Variants in TLR5 observed in about 807,000 individuals in gnomAD.
TLR5 encodes the protein toll-like receptor 5.
For synonymous variants in TLR5, 373 were observed against 384.4 expected, an observed-to-expected ratio of 0.97 and a Z score of 0.35; for missense variants, 944 against 999.8, an observed-to-expected ratio of 0.94 and a Z score of 0.75.
intron 1 of TLR5, among the ~76,000 whole-genome samples, chr1:223,142,207 C>A (rs527829372): frequency 3.4e-4 from 52 of 152,252 alleles, no homozygotes; most frequent in African/African-American, 1.2e-3. Flanking sequence ...GGTAGCTACC[C>A]CTAGCATTAG....
At chr1:223,141,917 C>A (rs528067596) in intron 1 of TLR5, among the ~76,000 whole-genome samples, 154 bp from the exon 2 acceptor site, 1 of 150,710 alleles carries the variant, frequency 6.6e-6, no homozygotes, top group Non-Finnish European at 1.5e-5. Flanking sequence ...ACGGTCTCTC[C>A]TCTGGGACCT....
intron 1 of TLR5, 75 bp from the exon 2 acceptor site, chr1:223,141,838 GAGAGAGAGAGAGAGAGAGAA>G (rs1657883396): frequency 1.4e-5 from 2 of 145,246 alleles, no homozygotes; most frequent in Non-Finnish European, 3.0e-5. Context: ...GAGAGAGAGA[GAGAGAGAGAGAGAGAGAGAA>G]AGAGAGAGAG....
intron 2 of TLR5, among the ~76,000 whole-genome samples, chr1:223,140,228 C>A (rs1302878406): frequency 6.6e-6 from 1 of 152,068 alleles, no homozygotes; most frequent in Non-Finnish European, 1.5e-5. Context: ...GGAGAGTAGG[C>A]ATAAAGTAAA....
chr1:223,137,992 TG>T (rs1657682916), intron 2 of TLR5, among the ~76,000 whole-genome samples: 1 of 123,024 alleles, frequency 8.1e-6, no homozygotes, highest in Non-Finnish European at 1.6e-5. Context: ...CAGGTCTCAC[TG>T]TATCACCCAG....
chr1:223,123,758 C>T (rs1571747391), intron 5 of TLR5: 1 of 152,338 alleles, frequency 6.6e-6, no homozygotes, highest in East Asian at 1.9e-4. Flanking sequence ...GAAATCCAAT[C>T]TAAAGAGGAG....
intron 5 of TLR5, among the ~76,000 whole-genome samples, chr1:223,119,993 A>AAAAT (rs1553268269): frequency 1.4e-3 from 30 of 21,408 alleles, no homozygotes; most frequent in African/African-American, 8.0e-3. Flanking sequence ...AAAATAAAAT[A>AAAAT]AAATAAAATA....
rs908120497 is a variant in TLR5 at position 223,109,950 on chromosome 1, G to A, written c.*505C>T. 3 of 175,446 alleles carry A rather than the reference G, an allele frequency of 1.7e-5. No individual in the cohort carries two copies. The highest frequency in any genetic ancestry group is 7.2e-5 in the African/African-American group (3 of 41,574). 10.9% of individuals were successfully genotyped at this position (175,446 alleles called of 1,614,324 possible). On this transcript the variant is annotated 3_prime_UTR_variant, in exon 6 of 6. Transcript: ENST00000642603. ...TTCTTTGGGGCCACCTCTTATCTAT[G>A]AGACAAAGTGTGACTTGCACTCAAC...
chr1:223,111,685 A>G lies in TLR5; in HGVS notation c.1347T>C (p.His449=). The part of the protein sequence containing the change: ...DILYFLLRVP[H]LQILILNQNR... ...TTTGATTTAAAATGAGAATCTGGAGATGAGGTACCCGTAGGAGAAAGTAGA... is the reference window on the plus strand; with the variant it reads ...TTTGATTTAAAATGAGAATCTGGAGGTGAGGTACCCGTAGGAGAAAGTAGA... The change falls in exon 6 of 6, where the codon CAT becomes CAC. Residue 449 remains histidine, a synonymous_variant. Transcript: ENST00000642603. 1 of 1,614,178 alleles carries G rather than the reference A, an allele frequency of 6.2e-7. No homozygotes were observed. The highest frequency in any genetic ancestry group is 1.6e-4 in the Middle Eastern group (1 of 6,062).
rs1657412011 is a variant in TLR5, at chr1:223,131,986, G to A, written c.-5+489C>T. Among the ~76,000 whole-genome samples, 1 of 152,054 alleles carries A rather than the reference G, an allele frequency of 6.6e-6. No individual in the cohort carries two copies. Among genetic ancestry groups the A allele is most frequent in the African/African-American group, 2.4e-5 (1 of 41,366 alleles). On this transcript the variant is annotated intron_variant, in intron 5 of 5. Transcript: ENST00000642603. The surrounding 1 kb of genome is among the most constrained non-coding windows in gnomAD (Gnocchi z 4.2). ...ACTAGATTGTAAGTCTTGAGGGGCA[G>A]GCACTCAGTTTCATTCATGCAGGAT... is the stretch of plus-strand genomic sequence containing the variant.
intron 5 of TLR5, among the ~76,000 whole-genome samples, chr1:223,121,990 T>C (rs961167716): frequency 6.6e-6 from 1 of 152,174 alleles, no homozygotes; most frequent in Non-Finnish European, 1.5e-5. Flanking sequence ...TTCAAAGTGA[T>C]CTCAATAGAT....
intron 5 of TLR5, among the ~76,000 whole-genome samples, chr1:223,116,931 G>C (rs1320685279): frequency 2.0e-5 from 3 of 152,218 alleles, no homozygotes; most frequent in African/African-American, 7.2e-5. Flanking sequence ...GCTAGGGGCA[G>C]AGCTGCCCGC....
intron 5 of TLR5, among the ~76,000 whole-genome samples, chr1:223,120,322 A>G (rs1656898679): frequency 6.6e-6 from 1 of 152,142 alleles, no homozygotes; most frequent in Non-Finnish European, 1.5e-5. Flanking sequence ...CCTTGATTCC[A>G]GGCCTTTAGA....
intron 2 of TLR5, among the ~76,000 whole-genome samples, chr1:223,137,580 A>C (rs1462282314): frequency 6.6e-6 from 1 of 152,110 alleles, no homozygotes; most frequent in African/African-American, 2.4e-5. Context: ...GTGTTGCAAC[A>C]CCCTGTCACT....
rs931389679 is a variant in TLR5, at chr1:223,131,132, G to C, written c.-5+1343C>G. ...ACACACCCCTCACTTACTATCTGAG[G>C]GGGCTTCCTAGGGCATGACTCTGAT... On this transcript the variant is annotated intron_variant, in intron 5 of 5. Coordinates refer to ENST00000642603, the MANE Select transcript of TLR5 (RefSeq NM_003268.6). The surrounding 1 kb of genome is among the most constrained non-coding windows in gnomAD (Gnocchi z 4.2). Among the ~76,000 whole-genome samples, 1 of 152,096 alleles carries C rather than the reference G, an allele frequency of 6.6e-6. No individual in the cohort carries two copies. The highest frequency in any genetic ancestry group is 1.5e-5 in the Non-Finnish European group (1 of 68,010).
At chr1:223,123,383 T>C (rs1180310776) in intron 5 of TLR5, 1 of 152,224 alleles carries the variant, frequency 6.6e-6, no homozygotes, top group East Asian at 1.9e-4. Context: ...TGTTCCAGGA[T>C]ACTGAATTTT....
In TLR5 at chr1:223,110,323, G is replaced by C; in HGVS notation, c.*132C>G. 1 of 887,502 alleles carries C rather than the reference G, an allele frequency of 1.1e-6. No individual in the cohort carries two copies. The highest frequency in any genetic ancestry group is 1.8e-6 in the Non-Finnish European group (1 of 569,494). The allele number at this position is 887,502 out of a possible 1,614,324, so 55.0% of individuals were successfully genotyped here. A position where few individuals can be genotyped will look rare whatever the true frequency, so the allele number is the denominator to read the frequency against. On this transcript the variant is annotated 3_prime_UTR_variant, in exon 6 of 6. Transcript: ENST00000642603. The stretch of plus-strand genomic sequence containing the variant: ...CATGGTGTTGATACGAAAATTGAGA[G>C]ATTTATGTTGTTTTCATAGTAGCAA...
Position 223,111,339 on chromosome 1 carries a change from G to T in TLR5, c.1693C>A (p.Pro565Thr), listed in dbSNP as rs1318171385. 4 of 1,614,134 alleles carry T rather than the reference G, an allele frequency of 2.5e-6. No individual in the cohort carries two copies. The African/African-American group carries it at 5.3e-5, about 22-fold the overall frequency. The part of the protein sequence containing the change: ...ISRNQLLAPN[P>T]DVFVSLSVLD... ...ACACTAAGTGATACAAATACATCAG[G>T]ATTAGGAGCTAGGAGCTGGTTCCTG... The change falls in exon 6 of 6, where the codon CCT becomes ACT. Residue 565 changes from proline to threonine, a missense_variant. Physicochemically the swap from Pro to Thr is conservative, Grantham distance 38 (BLOSUM62 -1). Transcript: ENST00000642603.
Position 223,110,338 on chromosome 1 carries a change from C to T in TLR5, c.*117G>A. ...AAAATTGAGAGATTTATGTTGTTTT[C>T]ATAGTAGCAAAAAGAAAAAAAAAAC... On this transcript the variant is annotated 3_prime_UTR_variant, in exon 6 of 6. Transcript: ENST00000642603. 9.9e-7 allele frequency: 1 copy of T among 1,010,158 alleles called. No homozygotes were observed. The highest frequency in any genetic ancestry group is 1.5e-6 in the Non-Finnish European group (1 of 671,224). The allele number at this position is 1,010,158 out of a possible 1,614,324, so 62.6% of individuals were successfully genotyped here. A position where few individuals can be genotyped will look rare whatever the true frequency, so the allele number is the denominator to read the frequency against.
chr1:223,120,947 G>A lies in TLR5; in HGVS notation c.-4-7912C>T, dbSNP rs557995520. On this transcript the variant is annotated intron_variant, in intron 5 of 5. Transcript: ENST00000642603. Reference sequence around the variant, plus strand: ...AAAATGCAAAAATTGGCTGGGCATGGTGGTGCATACCTGTAGTCCCAGCTA... The same window carrying A: ...AAAATGCAAAAATTGGCTGGGCATGATGGTGCATACCTGTAGTCCCAGCTA... Among the ~76,000 whole-genome samples, 8 of 152,308 alleles carry A rather than the reference G, an allele frequency of 5.3e-5. No homozygotes were observed. The South Asian group carries it at 1.2e-3, about 24-fold the overall frequency.
Sources: allele counts gnomAD v4.1 joint callset (sites outside exome capture counted in the v4.1 genomes callset), GRCh38; gene constraint gnomAD v4.1.1; non-coding constraint Gnocchi (gnomAD v3.1); transcripts MANE v1.5; gene names NCBI Gene and HGNC (gene_info 2026-07-23, HGNC 2026-07-21).